Variants in MAPK14 observed in about 807,000 individuals in gnomAD.
MAPK14 encodes the protein CSAID-binding protein.
Under a neutral mutation model 49.6 loss-of-function variants are expected in MAPK14, and 16 were observed. The observed-to-expected ratio is 0.32, with a 90% confidence interval of 0.22 to 0.49. MAPK14 has a LOEUF of 0.49. Among genes scored for constraint, MAPK14 ranks in the 20% least tolerant of loss-of-function variants. The pLI is 0.99. For missense variants in MAPK14, 200 were observed against 441.2 expected, an observed-to-expected ratio of 0.45 and a Z score of 4.90; for synonymous variants, 142 against 158.0, an observed-to-expected ratio of 0.90 and a Z score of 0.76.
intron 8 of MAPK14, chr6:36,092,058 G>T (rs868274765): frequency 6.2e-6 from 3 of 485,114 alleles, no homozygotes; most frequent in Middle Eastern, 8.4e-4. Flanking sequence ...CATGGGAATA[G>T]ACTTTGGCAT....
At chr6:36,047,307 C>T (rs546373583) in intron 1 of MAPK14, among the ~76,000 whole-genome samples, 3 of 151,900 alleles carry the variant, frequency 2.0e-5, no homozygotes, top group Non-Finnish European at 4.4e-5. Flanking sequence ...GGGATGGGGG[C>T]GGAGGAGAAG....
intron 1 of MAPK14, among the ~76,000 whole-genome samples, chr6:36,035,336 T>C (rs1762700900): frequency 6.6e-6 from 1 of 152,240 alleles, no homozygotes; most frequent in Non-Finnish European, 1.5e-5. Context: ...TTGAGGTGTC[T>C]GGAACCATGC....
chr6:36,123,591 A>G, the MAPK14 span, among the ~76,000 whole-genome samples: 1 of 152,252 alleles, frequency 6.6e-6, no homozygotes, highest in African/African-American at 2.4e-5. Context: ...TGGTTGGTTC[A>G]GTCACTAAGT....
chr6:36,122,766 C>T, the MAPK14 span, among the ~76,000 whole-genome samples: 2 of 152,180 alleles, frequency 1.3e-5, no homozygotes, highest in East Asian at 3.9e-4. Flanking sequence ...TGTGTTGCTT[C>T]AGTAAACCCT....
chr6:36,085,173 C>G (rs774897637), intron 8 of MAPK14, among the ~76,000 whole-genome samples: 5 of 152,240 alleles, frequency 3.3e-5, no homozygotes, highest in Admixed American at 6.5e-5. Flanking sequence ...GAAGGAAGCA[C>G]TAAATATGGA....
intron 1 of MAPK14, among the ~76,000 whole-genome samples, chr6:36,037,695 A>G (rs895235909): frequency 4.6e-5 from 7 of 152,136 alleles, no homozygotes; most frequent in Non-Finnish European, 5.9e-5. Flanking sequence ...AAGAAGCTAT[A>G]TTCTGGCCAG....
chr6:36,112,613 ATCAGTTTTC>A (rs1562160854), downstream of MAPK14, among the ~76,000 whole-genome samples: 62 of 152,354 alleles, frequency 4.1e-4, no homozygotes, highest in African/African-American at 1.4e-3. Context: ...TGAGGGCTTC[ATCAGTTTTC>A]AGAAGGCCTC....
chr6:36,029,470 G>T (rs566025836), intron 1 of MAPK14, among the ~76,000 whole-genome samples: 2 of 152,264 alleles, frequency 1.3e-5, no homozygotes, highest in East Asian at 3.9e-4. Context: ...GAAAGCTACG[G>T]ATCTTAAACT....
intron 9 of MAPK14, chr6:36,100,223 G>A: frequency 6.2e-7 from 1 of 1,613,906 alleles, no homozygotes; most frequent in Non-Finnish European, 8.5e-7. Flanking sequence ...GCGTCTGACA[G>A]GAACACCCCC....
chr6:36,087,228 C>T (rs373351193), intron 8 of MAPK14, among the ~76,000 whole-genome samples: 2 of 152,130 alleles, frequency 1.3e-5, no homozygotes, highest in African/African-American at 4.8e-5. Context: ...TCAAAACTGG[C>T]ACAAGGATGC....
rs546674873 is a variant in MAPK14 at position 36,108,177 on chromosome 6, G to GA, written c.1016-195dup. 6.2e-4 allele frequency among the ~76,000 whole-genome samples: 94 copies of GA among 151,886 alleles called. 1 individual carries two copies. The highest frequency in any genetic ancestry group is 7.5e-4 in the Non-Finnish European group (51 of 67,890). ...AGGCACTCAGCGATGAAAAACATGA[G>GA]AAAAAAAATGGTTCTTTTCTATGTC... On this transcript the variant is annotated intron_variant, in intron 11 of 11. Coordinates refer to ENST00000229794, the MANE Select transcript of MAPK14 (RefSeq NM_139012.3).
chr6:36,053,553 A>G (rs984482116), intron 2 of MAPK14, among the ~76,000 whole-genome samples: 3 of 152,292 alleles, frequency 2.0e-5, no homozygotes, highest in Non-Finnish European at 4.4e-5. Flanking sequence ...CACTTATTTT[A>G]CTGAATTTCA....
intron 6 of MAPK14, among the ~76,000 whole-genome samples, chr6:36,075,225 C>CA (rs70975130): frequency 0.17 from 10,388 of 62,340 alleles, 1,149 homozygotes; most frequent in African/African-American, 0.33. Flanking sequence ...GACTCCGTCT[C>CA]AAAAAAAAAA....
chr6:36,066,071 T>G (rs2127433974), intron 3 of MAPK14, among the ~76,000 whole-genome samples: 1 of 152,342 alleles, frequency 6.6e-6, no homozygotes, highest in South Asian at 2.1e-4. Flanking sequence ...AAAACTCTTT[T>G]TTTTTCAGTA....
At chr6:36,073,659 G>A (rs201445610) in intron 4 of MAPK14, 32 bp from the exon 5 acceptor site, 16 of 1,581,360 alleles carry the variant, frequency 1.0e-5, no homozygotes, top group Non-Finnish European at 9.5e-6. Context: ...ATAGAAGGTT[G>A]GAGGTAACTT....
At chr6:36,123,596 C>T in the MAPK14 span, among the ~76,000 whole-genome samples, 1 of 152,208 alleles carries the variant, frequency 6.6e-6, no homozygotes, top group African/African-American at 2.4e-5. Context: ...GGTTCAGTCA[C>T]TAAGTCTTTA....
intron 8 of MAPK14, among the ~76,000 whole-genome samples, chr6:36,091,831 C>G (rs566801630): frequency 6.8e-6 from 1 of 147,086 alleles, no homozygotes; most frequent in African/African-American, 2.5e-5. Flanking sequence ...TAATATGGCT[C>G]ATCTTTTCTT....
the MAPK14 span, among the ~76,000 whole-genome samples, chr6:36,121,883 A>G: frequency 1.3e-5 from 2 of 152,314 alleles, no homozygotes; most frequent in African/African-American, 4.8e-5. Context: ...TCATTGTTAT[A>G]CATAAAATGG....
chr6:36,073,899 A>G (rs1347678877), intron 5 of MAPK14, 150 bp from the exon 6 acceptor site: 6 of 844,160 alleles, frequency 7.1e-6, no homozygotes, highest in South Asian at 1.6e-5. Context: ...ATGTAAGGCT[A>G]ACTTGGACTG....
Sources: gnomAD v4.1 joint callset for allele counts (sites outside exome capture counted in the v4.1 genomes callset) on GRCh38, gnomAD v4.1.1 for gene constraint, MANE v1.5 for transcripts, NCBI Gene and HGNC (gene_info 2026-07-23, HGNC 2026-07-21) for gene names.